The following CPLANE1 variants were observed in gnomAD, a reference collection of about 807,000 sequenced individuals.
CPLANE1 encodes the protein ciliogenesis and planar polarity effector complex subunit 1.
In CPLANE1, 263 loss-of-function variants were observed where a neutral mutation model predicts 362.5. The observed-to-expected ratio is 0.73, with a 90% CI of 0.66 to 0.80. The LOEUF (loss-of-function observed/expected upper bound fraction) is 0.80. Among genes scored for constraint, CPLANE1 ranks in the 30% least tolerant of loss-of-function variants. The pLI, the probability that CPLANE1 is intolerant of heterozygous loss-of-function variation, is 0.00. For missense variants in CPLANE1, 3,461 were observed against 3,793.4 expected (o/e 0.91, Z 2.30); for synonymous variants, 1,212 against 1,302.6 (o/e 0.93, Z 1.50).
At chr5:37,120,142 A>G (rs1579870187) in intron 50 of CPLANE1, 74 bp downstream of exon 50, 7 of 1,454,456 alleles carry the variant, frequency 4.8e-6, no homozygotes, top group African/African-American at 4.3e-5. Flanking sequence ...CCTTTTACTA[A>G]TGAAAACACA....
Position 37,221,465 on chromosome 5 carries a change from G to C in CPLANE1, c.2605C>G (p.Gln869Glu). Residue 869 changes from glutamine (Q) to glutamate (E), a missense_variant, in exon 15 of 53, where the codon CAG becomes GAG. Gln to Glu is a conservative substitution (Grantham distance 29, BLOSUM62 2). Around this residue, in one of 2 missense-constraint regions of CPLANE1, gnomAD observed 3,380 missense variants for 3,666.1 expected, o/e 0.92. Coordinates refer to ENST00000651892, the MANE Select transcript of CPLANE1 (RefSeq NM_001384732.1). ...AAGAGAGAAAGATAATAGCGTATCT[G>C]AAGAAAATACGTCCTTCTTCCTCCT... ...EKGGRRTYFL[Q>E]IRYYLSLLYC... The C allele has an allele frequency of 6.7e-7, 1 of 1,503,604 alleles. No homozygotes were observed. The highest frequency in any genetic ancestry group is 1.4e-5 in the African/African-American group (1 of 69,914). The allele number at this position is 1,503,604 out of a possible 1,614,324, so 93.1% of individuals were successfully genotyped here. A position where few individuals can be genotyped will look rare whatever the true frequency, so the allele number is the denominator to read the frequency against.
At chr5:37,244,675 T>A in intron 4 of CPLANE1, 68 bp from the exon 5 acceptor site, 1 of 862,434 alleles carries the variant, frequency 1.2e-6, no homozygotes, top group Non-Finnish European at 1.8e-6. Context: ...AGTACATAAT[T>A]TATGTATTCT....
chr5:37,184,841 C>T lies in CPLANE1; in HGVS notation c.4428G>A (p.Thr1476=), dbSNP rs111592427. The T allele has an allele frequency of 8.1e-6, 13 of 1,613,866 alleles. No individual in the cohort carries two copies. Among genetic ancestry groups the T allele is most frequent in the African/African-American group, 5.3e-5 (4 of 75,028 alleles). The part of the protein sequence containing the change: ...GDSVVHSDAD[T]FSEALSVEEK... ...CTTCAACCGACAAAGCTTCAGAGAA[C>T]GTATCTGCATCACTGTGAACCACAG... The change falls in exon 25 of 53, where the codon ACG becomes ACA. Residue 1476 remains threonine (T), a synonymous_variant. Transcript: ENST00000651892.
At chr5:37,187,052 C>A (rs1784221319) in intron 23 of CPLANE1, among the ~76,000 whole-genome samples, 1 of 96,920 alleles carries the variant, frequency 1.0e-5, no homozygotes, top group South Asian at 3.1e-4. Flanking sequence ...CAGAGCGAGA[C>A]TCCGTCTCAA....
At chr5:37,127,724 C>T (rs1302549351) in intron 46 of CPLANE1, among the ~76,000 whole-genome samples, 2 of 152,018 alleles carry the variant, frequency 1.3e-5, no homozygotes, top group Admixed American at 6.6e-5. Context: ...CCATGTTAGT[C>T]AGGCTGGTCT....
In CPLANE1 at chr5:37,209,453, G is replaced by C. The variant is rs1324132225; in HGVS notation, c.2921-3028C>G. On this transcript the variant is annotated intron_variant, in intron 16 of 52. Coordinates refer to ENST00000651892, the MANE Select transcript of CPLANE1 (RefSeq NM_001384732.1). The surrounding 1 kb of genome is among the most constrained non-coding windows in gnomAD (Gnocchi z 4.6). ...AGCTATACCAGACATTTAAGGATCG[G>C]GGTATACTGGAAACACTCAAGATAC... 3.8e-6 allele frequency: 5 copies of C among 1,306,602 alleles called. No homozygotes were observed. The East Asian group carries it at 6.9e-5, about 18-fold the overall frequency. 80.9% of individuals were successfully genotyped at this position (1,306,602 alleles called of 1,614,324 possible).
chr5:37,170,912 G>A (rs1202503488), intron 32 of CPLANE1, among the ~76,000 whole-genome samples: 1 of 152,156 alleles, frequency 6.6e-6, no homozygotes, highest in African/African-American at 2.4e-5. Context: ...CTCCAGCCTG[G>A]TGACAGAGTA....
chr5:37,149,461 A>G (rs1772823949), intron 42 of CPLANE1, among the ~76,000 whole-genome samples: 1 of 152,208 alleles, frequency 6.6e-6, no homozygotes, highest in Non-Finnish European at 1.5e-5. Flanking sequence ...TGTTCAGTAC[A>G]GATGCAACCA....
At position 37,169,329 on chromosome 5, in the gene CPLANE1, G is replaced by C. The variant is rs751344423; in HGVS notation, c.6695C>G (p.Ser2232Cys). The change falls in exon 34 of 53, where the codon TCT becomes TGT. Residue 2232 changes from serine (S) to cysteine (C), a missense_variant. Physicochemically the swap from Ser to Cys is moderately radical, Grantham distance 112 (BLOSUM62 -1). Transcript: ENST00000651892. ...GAAAAGGGGCTGGAATTCTTGTTTA[G>C]ACTTAAATTGAAGCAAAGGAAAGCC... Reference protein sequence around the residue: ...GDGFPLLQFKSKQEFQPLFLH... With the variant: ...GDGFPLLQFKCKQEFQPLFLH... 6.2e-7 allele frequency: 1 copy of C among 1,614,144 alleles called. No individual in the cohort carries two copies. The highest frequency in any genetic ancestry group is 1.1e-5 in the South Asian group (1 of 91,052).
rs140529365 is a variant in CPLANE1, at chr5:37,241,762, G to A, written c.677+1251C>T. On this transcript the variant is annotated intron_variant, in intron 6 of 52. Transcript: ENST00000651892. The stretch of plus-strand genomic sequence containing the variant: ...CCACCTCAGCCTCCCAAGCAGCTGG[G>A]ACTATAGGCATGCGCCACCATGCTC... Among the ~76,000 whole-genome samples, 1,108 of 152,106 alleles carry A rather than the reference G, an allele frequency of 7.3e-3. 18 individuals are homozygous for A. Among genetic ancestry groups the A allele is most frequent in the African/African-American group, 0.025 (1,042 of 41,494 alleles).
chr5:37,184,250 A>G (rs1000574215), intron 25 of CPLANE1, among the ~76,000 whole-genome samples: 7 of 152,182 alleles, frequency 4.6e-5, no homozygotes, highest in African/African-American at 1.7e-4. Context: ...CTGCCCAACA[A>G]CAATTCCTTT....
intron 16 of CPLANE1, among the ~76,000 whole-genome samples, chr5:37,208,679 C>G (rs1490872968): frequency 4.2e-4 from 48 of 113,628 alleles, no homozygotes; most frequent in Admixed American, 3.4e-3. Context: ...TCTGTCTCCC[C>G]CCCCCCCCAA....
chr5:37,190,192 G>A (rs942923523), intron 21 of CPLANE1, among the ~76,000 whole-genome samples: 9 of 152,084 alleles, frequency 5.9e-5, no homozygotes, highest in Non-Finnish European at 1.3e-4. Context: ...AGAATAGAAC[G>A]GGTTCTACTA....
intron 1 of CPLANE1, among the ~76,000 whole-genome samples, chr5:37,248,485 C>T (rs1185354432): frequency 6.6e-6 from 1 of 151,418 alleles, no homozygotes; most frequent in Non-Finnish European, 1.5e-5. Context: ...AAAAGAAAAA[C>T]TACTCAGAGA....
intron 16 of CPLANE1, chr5:37,211,670 C>A (rs1792642660): frequency 5.0e-6 from 4 of 792,554 alleles, no homozygotes; most frequent in South Asian, 4.0e-5. Context: ...CTTATCCTGA[C>A]AGAATGCCCC....
chr5:37,098,735 G>A, the CPLANE1 span, among the ~76,000 whole-genome samples: 5 of 151,078 alleles, frequency 3.3e-5, no homozygotes, highest in African/African-American at 7.3e-5. Context: ...GAGAAACTTT[G>A]GAAATGGTAC....
chr5:37,235,870 C>CTT (rs748794675), intron 8 of CPLANE1, among the ~76,000 whole-genome samples: 12,173 of 119,212 alleles, frequency 0.1, 692 homozygotes, highest in Admixed American at 0.13. Flanking sequence ...GTGCCCAGCA[C>CTT]TTTTTTTTTT....
chr5:37,199,623 G>A (rs1281645238), intron 19 of CPLANE1, among the ~76,000 whole-genome samples: 1 of 152,170 alleles, frequency 6.6e-6, no homozygotes, highest in Admixed American at 6.5e-5. Context: ...AATGTTTGTT[G>A]AATAAATGCT....
At chr5:37,224,824 TGC>T in intron 12 of CPLANE1, 84 bp from the exon 13 acceptor site, 1 of 834,870 alleles carries the variant, frequency 1.2e-6, no homozygotes, top group Non-Finnish European at 1.9e-6. Flanking sequence ...TTTTTTTTTT[TGC>T]CTGTATTCTT....
Sources: allele counts gnomAD v4.1 joint callset (sites outside exome capture counted in the v4.1 genomes callset), GRCh38; gene constraint gnomAD v4.1.1; regional missense constraint gnomAD v4.1.1; non-coding constraint Gnocchi (gnomAD v3.1); transcripts MANE v1.5; gene names NCBI Gene and HGNC (gene_info 2026-07-23, HGNC 2026-07-21).